RAP1GAP2: variants seen among roughly 807,000 people sequenced by gnomAD.
RAP1GAP2 encodes the protein rap1 GTPase-activating protein 2.
In RAP1GAP2, 27 loss-of-function variants were observed where a neutral mutation model predicts 95.0. The ratio of observed to expected loss-of-function variants is 0.28; its 90% CI spans 0.21 to 0.39. RAP1GAP2 has a LOEUF of 0.39. RAP1GAP2 is among the 10% of genes least tolerant of loss of function. The probability of loss-of-function intolerance (pLI) is 1.00; values close to 1 mark genes in which losing one functional copy is unlikely to be tolerated. For missense variants in RAP1GAP2, 771 were observed against 970.0 expected (o/e 0.79, Z 2.72); for synonymous variants, 373 against 380.9 (o/e 0.98, Z 0.24).
intron 8 of RAP1GAP2, among the ~76,000 whole-genome samples, chr17:2,974,078 A>C (rs2044990739): frequency 6.6e-6 from 1 of 152,006 alleles, no homozygotes; most frequent in South Asian, 2.1e-4. Context: ...GTGGTGTCTC[A>C]TGCCTGTAAT....
chr17:2,844,967 CCA>C (rs1003415150), intron 2 of RAP1GAP2, among the ~76,000 whole-genome samples: 5 of 152,116 alleles, frequency 3.3e-5, no homozygotes, highest in African/African-American at 1.2e-4. Flanking sequence ...CCAACCCCTG[CCA>C]GTTTCTGCAG....
At chr17:3,017,919 G>A in intron 17 of RAP1GAP2, 142 bp from the exon 18 acceptor site, 3 of 586,864 alleles carry the variant, frequency 5.1e-6, no homozygotes, top group African/African-American at 3.2e-5. Flanking sequence ...CTGTGACCGT[G>A]TGTGTGTGTG....
At chr17:2,911,937 T>C (rs1289032167) in intron 3 of RAP1GAP2, among the ~76,000 whole-genome samples, 1 of 152,186 alleles carries the variant, frequency 6.6e-6, no homozygotes, top group Admixed American at 6.5e-5. Flanking sequence ...CTCGGTCAGC[T>C]GGGAGGTGGC....
intron 2 of RAP1GAP2, among the ~76,000 whole-genome samples, chr17:2,879,770 C>G (rs1487936689): frequency 6.6e-6 from 1 of 151,852 alleles, no homozygotes; most frequent in Non-Finnish European, 1.5e-5. Flanking sequence ...GGGTCCTCCT[C>G]CTTGCCTTGA....
At chr17:2,900,866 A>C (rs542370386) in intron 2 of RAP1GAP2, among the ~76,000 whole-genome samples, 3 of 152,252 alleles carry the variant, frequency 2.0e-5, no homozygotes, top group African/African-American at 7.2e-5. Context: ...CCAAACTTGA[A>C]CCCAGGAATC....
At chr17:2,888,082 G>A (rs938373901) in intron 2 of RAP1GAP2, among the ~76,000 whole-genome samples, 6 of 152,170 alleles carry the variant, frequency 3.9e-5, no homozygotes, top group Non-Finnish European at 8.8e-5. Flanking sequence ...AGGTGGGGAA[G>A]TGGTTAACTC....
At chr17:2,997,544 C>T (rs1249207816) in intron 13 of RAP1GAP2, among the ~76,000 whole-genome samples, 3 of 152,216 alleles carry the variant, frequency 2.0e-5, no homozygotes, top group African/African-American at 7.2e-5. Context: ...AGTCAGGGAT[C>T]TGCATGCTGT....
rs1048012327 is a variant in RAP1GAP2, at chr17:3,004,298, G to A, written c.1201-1071G>A. 5.3e-5 allele frequency among the ~76,000 whole-genome samples: 8 copies of A among 152,236 alleles called. No individual in the cohort carries two copies. The highest frequency in any genetic ancestry group is 1.4e-4 in the African/African-American group (6 of 41,480). On this transcript the variant is annotated intron_variant, in intron 14 of 24. Coordinates refer to ENST00000254695, the MANE Select transcript of RAP1GAP2 (RefSeq NM_015085.5). The surrounding 1 kb of genome is among the most constrained non-coding windows in gnomAD (Gnocchi z 4.1). Reference sequence around the variant, plus strand: ...CCTGGAGCTTGAGAAGAGAAAGCCCGTATTGACCAGCTCTCTCCCGCTCCG... The same window carrying A: ...CCTGGAGCTTGAGAAGAGAAAGCCCATATTGACCAGCTCTCTCCCGCTCCG...
At chr17:2,926,477 G>A (rs956680964) in intron 3 of RAP1GAP2, among the ~76,000 whole-genome samples, 3 of 152,120 alleles carry the variant, frequency 2.0e-5, no homozygotes, top group African/African-American at 7.2e-5. Context: ...CCAGAGCATC[G>A]CAGTTTTGAG....
chr17:2,832,354 C>A (rs753536684), intron 2 of RAP1GAP2, among the ~76,000 whole-genome samples: 3 of 150,624 alleles, frequency 2.0e-5, no homozygotes, highest in Admixed American at 1.3e-4. Flanking sequence ...GTCAGGAGAT[C>A]GAGATCATCC....
chr17:2,838,641 G>T (rs1443739478), intron 2 of RAP1GAP2, among the ~76,000 whole-genome samples: 5 of 152,196 alleles, frequency 3.3e-5, no homozygotes, highest in Non-Finnish European at 2.9e-5. Flanking sequence ...AGATGAGGAA[G>T]GGAGGCGGGT....
rs1040095305 is a variant in RAP1GAP2, at chr17:3,037,576, C to G, written c.*4215C>G. The G allele has an allele frequency of 6.6e-6, 1 of 152,328 alleles. No homozygotes were observed. Among genetic ancestry groups the G allele is most frequent in the Admixed American group, 6.6e-5 (1 of 15,222 alleles). The allele number at this position is 152,328 out of a possible 1,614,324, so 9.4% of individuals were successfully genotyped here. ...CTTAGTGAGGAGGTGATTCGTAGAT[C>G]CCAACTGCCTATGTAATGTAAATAA... is the stretch of plus-strand genomic sequence containing the variant. On this transcript the variant is annotated 3_prime_UTR_variant, in exon 25 of 25. Coordinates refer to ENST00000254695, the MANE Select transcript of RAP1GAP2 (RefSeq NM_015085.5).
At position 2,981,262 on chromosome 17, in the gene RAP1GAP2, T is replaced by C. The variant is rs986368316; in HGVS notation, c.729+14T>C. ...CTGTACCCCAAGGTAAGGACCTTCA[T>C]GCTCCCAACATAGGGGCCCTGCAGC... On this transcript the variant is annotated intron_variant, in intron 10 of 24. Coordinates refer to ENST00000254695, the MANE Select transcript of RAP1GAP2 (RefSeq NM_015085.5). 9.4e-6 allele frequency: 15 copies of C among 1,602,754 alleles called. No homozygotes were observed. The highest frequency in any genetic ancestry group is 1.3e-5 in the Non-Finnish European group (15 of 1,172,756).
At chr17:2,892,374 T>C (rs1206513105) in intron 2 of RAP1GAP2, among the ~76,000 whole-genome samples, 3 of 152,172 alleles carry the variant, frequency 2.0e-5, no homozygotes, top group Non-Finnish European at 4.4e-5. Flanking sequence ...GCTCAAGTTC[T>C]GTGGGTGAGG....
rs1004866215 is a variant in RAP1GAP2 at position 3,035,899 on chromosome 17, T to A, written c.*2538T>A. ...GCTCAAAGATTTGCCCAAACCTCAT[T>A]GGCCCTCGTGACTAGGCTCATCTAG... On this transcript the variant is annotated 3_prime_UTR_variant, in exon 25 of 25. Coordinates refer to ENST00000254695, the MANE Select transcript of RAP1GAP2 (RefSeq NM_015085.5). This position sits in a 1 kb window ranked among gnomAD's most constrained non-coding sequence, Gnocchi z 4.3. The A allele has an allele frequency of 3.7e-4, 56 of 152,232 alleles. No individual in the cohort carries two copies. Among genetic ancestry groups the A allele is most frequent in the African/African-American group, 1.4e-3 (56 of 41,444 alleles). The allele number at this position is 152,232 out of a possible 1,614,324, so 9.4% of individuals were successfully genotyped here.
intron 8 of RAP1GAP2, among the ~76,000 whole-genome samples, chr17:2,967,160 A>C (rs2044642986): frequency 6.6e-6 from 1 of 152,238 alleles, no homozygotes; most frequent in South Asian, 2.1e-4. Flanking sequence ...CGAGGTCAGG[A>C]GATCGAGACC....
intron 18 of RAP1GAP2, among the ~76,000 whole-genome samples, chr17:3,019,364 T>C (rs2046879366): frequency 6.6e-6 from 1 of 151,922 alleles, no homozygotes; most frequent in African/African-American, 2.4e-5. Flanking sequence ...AATGCAAAAA[T>C]TAGCTGAGCA....
At chr17:2,878,144 CATT>C (rs757357865) in intron 2 of RAP1GAP2, among the ~76,000 whole-genome samples, 2 of 152,078 alleles carry the variant, frequency 1.3e-5, no homozygotes, top group East Asian at 1.9e-4. Flanking sequence ...TTTTGGGTGA[CATT>C]ATGTTGCCGG....
At chr17:2,764,576 C>T (rs1000686401) in intron 1 of RAP1GAP2, among the ~76,000 whole-genome samples, 1 of 151,812 alleles carries the variant, frequency 6.6e-6, no homozygotes, top group Non-Finnish European at 1.5e-5. Flanking sequence ...CAAAAATTAG[C>T]TGGGTGTGGT....
Sources: allele counts gnomAD v4.1 joint callset (sites outside exome capture counted in the v4.1 genomes callset), GRCh38; gene constraint gnomAD v4.1.1; non-coding constraint Gnocchi (gnomAD v3.1); transcripts MANE v1.5; gene names NCBI Gene and HGNC (gene_info 2026-07-23, HGNC 2026-07-21).